The following NCAM2 variants were observed in gnomAD, a reference collection of about 807,000 sequenced individuals.
NCAM2 encodes the protein neural cell adhesion molecule 2, also known as N-CAM-2.
NCAM2 carries 30 observed loss-of-function variants against 98.1 expected under a neutral mutation model. The ratio of observed to expected loss-of-function variants is 0.31; its 90% CI spans 0.23 to 0.41. NCAM2 has a LOEUF of 0.41. Ranked by LOEUF, NCAM2 falls within the 10% of genes least tolerant of loss-of-function variation. The pLI is 1.00. For synonymous variants in NCAM2, 368 were observed against 342.4 expected, an observed-to-expected ratio of 1.07 and a Z score of -0.83; for missense variants, 867 against 1,005.8, an observed-to-expected ratio of 0.86 and a Z score of 1.87.
chr21:21,455,420 T>C (rs1981992725), intron 12 of NCAM2, among the ~76,000 whole-genome samples: 1 of 151,820 alleles, frequency 6.6e-6, no homozygotes, highest in South Asian at 2.1e-4. Context: ...TTTTTCCTTT[T>C]AATTTAGGAG....
At chr21:21,421,072 A>G (rs1602289421) in intron 11 of NCAM2, among the ~76,000 whole-genome samples, 1 of 151,734 alleles carries the variant, frequency 6.6e-6, no homozygotes. Flanking sequence ...AGTATTGTAT[A>G]TTGCCATTTC....
At chr21:21,000,719 G>A (rs1329806779) in intron 1 of NCAM2, among the ~76,000 whole-genome samples, 10 of 152,164 alleles carry the variant, frequency 6.6e-5, no homozygotes, top group South Asian at 4.1e-4. Context: ...ATATCAGAGA[G>A]ACGTAGCTTT....
At chr21:21,117,947 A>C (rs578092451) in intron 1 of NCAM2, among the ~76,000 whole-genome samples, 62 of 152,354 alleles carry the variant, frequency 4.1e-4, no homozygotes, top group Admixed American at 1.4e-3. Flanking sequence ...TATTAAACTA[A>C]GTTGCCTGAT....
chr21:21,140,639 A>G (rs1341683468), intron 1 of NCAM2, among the ~76,000 whole-genome samples: 1 of 152,192 alleles, frequency 6.6e-6, no homozygotes, highest in Admixed American at 6.5e-5. Context: ...ACCCTGATTT[A>G]CAGCTGTTAT....
chr21:21,412,878 GAC>G (rs561315954), intron 10 of NCAM2, among the ~76,000 whole-genome samples: 1 of 152,064 alleles, frequency 6.6e-6, no homozygotes, highest in Non-Finnish European at 1.5e-5. Flanking sequence ...AGTTGCTTGA[GAC>G]AGTTACTTTT....
In NCAM2 at chr21:21,067,815, T is replaced by C. The variant is rs139530683; in HGVS notation, c.55+69197T>C. 7.2e-3 allele frequency among the ~76,000 whole-genome samples: 1,092 copies of C among 152,304 alleles called. 16 individuals are homozygous for C. The highest frequency in any genetic ancestry group is 0.024 in the African/African-American group (1,000 of 41,568). On this transcript the variant is annotated intron_variant, in intron 1 of 17. Coordinates refer to ENST00000400546, the MANE Select transcript of NCAM2 (RefSeq NM_004540.5). ...AAATTAGAATCAGTATATGTTTTCT[T>C]TGCATATAGTTATATAATCAAGGGA... is the stretch of plus-strand genomic sequence containing the variant.
chr21:21,294,581 G>A (rs781380623), intron 5 of NCAM2, among the ~76,000 whole-genome samples: 10 of 151,650 alleles, frequency 6.6e-5, no homozygotes, highest in Non-Finnish European at 1.2e-4. Flanking sequence ...ACAAACTCGC[G>A]TAGCTTAAAA....
chr21:21,334,362 A>G (rs1467579100), intron 6 of NCAM2, among the ~76,000 whole-genome samples: 1 of 152,226 alleles, frequency 6.6e-6, no homozygotes, highest in Admixed American at 6.5e-5. Context: ...GTATAGACAT[A>G]TAAAGATTAT....
chr21:21,358,549 G>A (rs758610235), intron 8 of NCAM2, among the ~76,000 whole-genome samples: 8 of 151,700 alleles, frequency 5.3e-5, no homozygotes, highest in Non-Finnish European at 8.8e-5. Context: ...AAATTATTAC[G>A]GTTTTGATAT....
intron 1 of NCAM2, among the ~76,000 whole-genome samples, chr21:21,055,259 A>T (rs896594905): frequency 6.6e-6 from 1 of 152,016 alleles, no homozygotes; most frequent in Non-Finnish European, 1.5e-5. Context: ...TCTCCAAAAC[A>T]CTTAAAGAAT....
At position 21,501,617 on chromosome 21, in the gene NCAM2, C is replaced by CTTT. The variant is rs5842933; in HGVS notation, c.2078-7223_2078-7221dup. ...ATGAAGCATACATGGATTAATGTTC[C>CTTT]TTTTTTTTTTTTTGCTATGTAGCTG... On this transcript the variant is annotated intron_variant, in intron 15 of 17. Transcript: ENST00000400546. 6.9e-4 allele frequency among the ~76,000 whole-genome samples: 99 copies of CTTT among 144,044 alleles called. 1 individual carries two copies. The highest frequency in any genetic ancestry group is 1.7e-3 in the African/African-American group (68 of 39,286). The allele number at this position is 144,044 out of a possible 152,430, so 94.5% of individuals were successfully genotyped here.
intron 12 of NCAM2, among the ~76,000 whole-genome samples, chr21:21,460,795 G>A (rs771519417): frequency 1.5e-4 from 23 of 151,986 alleles, no homozygotes; most frequent in Non-Finnish European, 2.1e-4. Context: ...ATGAGGGTGT[G>A]ATCAATAACT....
intron 15 of NCAM2, among the ~76,000 whole-genome samples, chr21:21,499,186 T>C (rs1987457188): frequency 6.6e-6 from 1 of 152,188 alleles, no homozygotes; most frequent in Non-Finnish European, 1.5e-5. Flanking sequence ...AGTAGAAGAA[T>C]GGAAATGATC....
At chr21:21,497,128 A>G (rs1276737255) in intron 15 of NCAM2, among the ~76,000 whole-genome samples, 1 of 152,156 alleles carries the variant, frequency 6.6e-6, no homozygotes, top group Non-Finnish European at 1.5e-5. Context: ...AAAATATCAC[A>G]TGTTCTCACT....
rs372438579 is a variant in NCAM2, at chr21:21,262,682, G to A, written c.56-17896G>A. 2.2e-3 allele frequency among the ~76,000 whole-genome samples: 271 copies of A among 124,458 alleles called. 2 individuals are homozygous for A. Among genetic ancestry groups the A allele is most frequent in the African/African-American group, 7.9e-3 (258 of 32,644 alleles). The allele number at this position is 124,458 out of a possible 152,430, so 81.6% of individuals were successfully genotyped here. Reference sequence around the variant, plus strand: ...TCAAAAAAAAAAAAAAAAAAAAGATGTCTTGCAAATAGGAAAAGTGGAAGT... The same window carrying A: ...TCAAAAAAAAAAAAAAAAAAAAGATATCTTGCAAATAGGAAAAGTGGAAGT... On this transcript the variant is annotated intron_variant, in intron 1 of 17. Coordinates refer to ENST00000400546, the MANE Select transcript of NCAM2 (RefSeq NM_004540.5).
In NCAM2 at chr21:21,096,744, G is replaced by GT. The variant is rs567500359; in HGVS notation, c.55+98131dup. Among the ~76,000 whole-genome samples, 23 of 151,198 alleles carry GT rather than the reference G, an allele frequency of 1.5e-4. No individual in the cohort carries two copies. In the South Asian group the frequency reaches 1.7e-3, roughly 11 times the overall value. On this transcript the variant is annotated intron_variant, in intron 1 of 17. Coordinates refer to ENST00000400546, the MANE Select transcript of NCAM2 (RefSeq NM_004540.5). ...GAATATCTGCAAGCGTTTATTTAAT[G>GT]TTTTTGTGTGTGTGTGTGTTGGTGT...
intron 15 of NCAM2, among the ~76,000 whole-genome samples, chr21:21,489,843 C>T (rs929824579): frequency 6.6e-6 from 1 of 151,968 alleles, no homozygotes; most frequent in Admixed American, 6.6e-5. Context: ...CACTTATTAA[C>T]TCGTTCTCTT....
chr21:21,264,119 A>T (rs1288861320), intron 1 of NCAM2, among the ~76,000 whole-genome samples: 1 of 152,122 alleles, frequency 6.6e-6, no homozygotes, highest in Non-Finnish European at 1.5e-5. Context: ...GATACCCAGA[A>T]TCTATAGGGA....
Position 21,335,497 on chromosome 21 carries a change from T to C in NCAM2, c.738-8T>C. The C allele has an allele frequency of 3.8e-6, 6 of 1,577,948 alleles. No individual in the cohort carries two copies. The highest frequency in any genetic ancestry group is 5.1e-6 in the Non-Finnish European group (6 of 1,166,228). ...TCTGTGAGGATGAACCTCTTTTTTC[T>C]TCTTTAGGAATGGCAAGCTCATTGA... On this transcript the variant is annotated splice_polypyrimidine_tract_variant and splice_region_variant and intron_variant, in intron 6 of 17. Coordinates refer to ENST00000400546, the MANE Select transcript of NCAM2 (RefSeq NM_004540.5).
Sources: allele counts gnomAD v4.1 joint callset (sites outside exome capture counted in the v4.1 genomes callset), GRCh38; gene constraint gnomAD v4.1.1; transcripts MANE v1.5; gene names NCBI Gene and HGNC (gene_info 2026-07-23, HGNC 2026-07-21).